The following NR6A1 variants were observed in gnomAD, a reference collection of about 807,000 sequenced individuals.
NR6A1 encodes retinoic acid receptor-related testis-associated receptor.
In NR6A1, 7 loss-of-function variants were observed where a neutral mutation model predicts 59.1. The ratio of observed to expected loss-of-function variants is 0.12; its 90% CI spans 0.07 to 0.22. The LOEUF is 0.22. Among genes scored for constraint, NR6A1 ranks in the 10% least tolerant of loss-of-function variants. The pLI is 1.00. For synonymous variants in NR6A1, 243 were observed against 236.1 expected (o/e 1.03, Z -0.27); for missense variants, 468 against 611.6 (o/e 0.77, Z 2.48).
chr9:124,554,210 T>C, intron 3 of NR6A1, 118 bp downstream of exon 3: 2 of 1,494,184 alleles, frequency 1.3e-6, no homozygotes, highest in Non-Finnish European at 9.1e-7. Context: ...TGGTTATGAG[T>C]ACAAACTATA....
intron 1 of NR6A1, among the ~76,000 whole-genome samples, chr9:124,734,709 A>C (rs1468299031): frequency 2.0e-5 from 3 of 152,168 alleles, no homozygotes; most frequent in Non-Finnish European, 4.4e-5. Flanking sequence ...TAAAACAAAA[A>C]AAAGAAGCAA....
intron 2 of NR6A1, among the ~76,000 whole-genome samples, chr9:124,667,342 C>T (rs551121376): frequency 1.7e-4 from 26 of 152,066 alleles, no homozygotes; most frequent in Non-Finnish European, 3.1e-4. Flanking sequence ...GCTTATCCAC[C>T]CTACTTTCAT....
chr9:124,690,464 G>A (rs1838500694), intron 2 of NR6A1, among the ~76,000 whole-genome samples: 1 of 152,140 alleles, frequency 6.6e-6, no homozygotes, highest in South Asian at 2.1e-4. Flanking sequence ...GAATGGCATG[G>A]TGAGTTCTAA....
chr9:124,658,698 A>C (rs1837333036), intron 2 of NR6A1: 1 of 152,172 alleles, frequency 6.6e-6, no homozygotes, highest in African/African-American at 2.4e-5. Flanking sequence ...CAACTGTAAA[A>C]AGTCTTACGT....
Position 124,519,081 on chromosome 9 carries a change from T to G in NR6A1, c.*3624A>C, listed in dbSNP as rs1203867145. 1.3e-5 allele frequency: 2 copies of G among 152,192 alleles called. No individual in the cohort carries two copies. The highest frequency in any genetic ancestry group is 2.9e-5 in the Non-Finnish European group (2 of 68,056). 9.4% of individuals were successfully genotyped at this position (152,192 alleles called of 1,614,324 possible). Reference sequence around the variant, plus strand: ...ATGTAGGAAATGGGTAACAGAGCAATGCACCTAGCTCAGAGCCCAGGATTT... The same window carrying G: ...ATGTAGGAAATGGGTAACAGAGCAAGGCACCTAGCTCAGAGCCCAGGATTT... On this transcript the variant is annotated 3_prime_UTR_variant, in exon 10 of 10. Coordinates refer to ENST00000487099, the MANE Select transcript of NR6A1 (RefSeq NM_033334.4).
intron 7 of NR6A1, 33 bp downstream of exon 7, chr9:124,535,845 T>C (rs763133316): frequency 3.7e-6 from 6 of 1,611,084 alleles, no homozygotes; most frequent in Admixed American, 3.3e-5. Flanking sequence ...TGTTTGGTTG[T>C]TTGGTATTTC....
intron 2 of NR6A1, among the ~76,000 whole-genome samples, chr9:124,718,164 C>T (rs935549715): frequency 2.0e-5 from 3 of 152,216 alleles, no homozygotes; most frequent in Non-Finnish European, 4.4e-5. Flanking sequence ...AACTTTCACT[C>T]ATGTTTTTTC....
chr9:124,610,321 A>C (rs1835702370), intron 2 of NR6A1, among the ~76,000 whole-genome samples: 1 of 152,138 alleles, frequency 6.6e-6, no homozygotes, highest in Admixed American at 6.5e-5. Context: ...GGGATGTTGA[A>C]TTTTATAGAA....
chr9:124,619,680 C>T (rs1836005609), intron 2 of NR6A1, among the ~76,000 whole-genome samples: 1 of 152,190 alleles, frequency 6.6e-6, no homozygotes, highest in Non-Finnish European at 1.5e-5. Flanking sequence ...TGACTTTACA[C>T]TTCATCCTCA....
chr9:124,547,531 T>G (rs1027198055), intron 3 of NR6A1, among the ~76,000 whole-genome samples: 6 of 152,154 alleles, frequency 3.9e-5, no homozygotes, highest in Non-Finnish European at 7.3e-5. Context: ...AAACTTAAAG[T>G]GGAAAAATCT....
chr9:124,548,054 A>G (rs1278861642), intron 3 of NR6A1, among the ~76,000 whole-genome samples: 1 of 149,206 alleles, frequency 6.7e-6, no homozygotes, highest in East Asian at 2.1e-4. Context: ...TCAAATGGCT[A>G]AGAAGGTGCG....
At chr9:124,640,698 C>T (rs1316248546) in intron 2 of NR6A1, among the ~76,000 whole-genome samples, 1 of 151,936 alleles carries the variant, frequency 6.6e-6, no homozygotes, top group Non-Finnish European at 1.5e-5. Flanking sequence ...GTTTACCACC[C>T]CCAGTCCAAT....
chr9:124,700,423 G>A (rs1838905489), intron 2 of NR6A1, among the ~76,000 whole-genome samples: 1 of 151,780 alleles, frequency 6.6e-6, no homozygotes, highest in African/African-American at 2.4e-5. Flanking sequence ...GTTTCACCAT[G>A]TTGGCAAGGC....
At chr9:124,752,013 A>G (rs1465359409) in intron 1 of NR6A1, among the ~76,000 whole-genome samples, 2 of 152,222 alleles carry the variant, frequency 1.3e-5, no homozygotes, top group African/African-American at 4.8e-5. Flanking sequence ...GCTCACGCCT[A>G]TAATCCCAAC....
intron 2 of NR6A1, among the ~76,000 whole-genome samples, chr9:124,688,596 A>AGAGT (rs1191719057): frequency 3.3e-5 from 5 of 152,338 alleles, no homozygotes; most frequent in Non-Finnish European, 7.4e-5. Flanking sequence ...GGTGATGGCA[A>AGAGT]GAGTATTCAC....
intron 2 of NR6A1, among the ~76,000 whole-genome samples, chr9:124,718,853 T>C (rs1839480534): frequency 7.6e-6 from 1 of 131,042 alleles, no homozygotes; most frequent in Admixed American, 9.3e-5. Context: ...CTCGTTCTGC[T>C]GCCCAGGCTG....
At position 124,522,720 on chromosome 9, in the gene NR6A1, A is replaced by T; in HGVS notation, c.1428T>A (p.Ser476Arg). Reference sequence around the variant, plus strand: ...CTGGAACAGGTCATTCCTTGCCCACACTGGTCTTGCAGGAATGCAGCACCA... The same window carrying T: ...CTGGAACAGGTCATTCCTTGCCCACTCTGGTCTTGCAGGAATGCAGCACCA... ...FKVVLHSCKT[S>R]VGKE Residue 476 changes from serine (S) to arginine (R), a missense_variant, in exon 10 of 10, where the codon AGT becomes AGA. Physicochemically the swap from Ser to Arg is moderately radical, Grantham distance 110 (BLOSUM62 -1). This residue lies in a region of NR6A1 where 176 missense variants were observed against 264.0 expected (regional missense o/e 0.67). Transcript: ENST00000487099. 1 of 1,583,372 alleles carries T rather than the reference A, an allele frequency of 6.3e-7. No individual in the cohort carries two copies. Among genetic ancestry groups the T allele is most frequent in the Non-Finnish European group, 8.6e-7 (1 of 1,164,886 alleles).
intron 2 of NR6A1, among the ~76,000 whole-genome samples, chr9:124,718,425 T>C (rs1839465248): frequency 6.6e-6 from 1 of 152,232 alleles, no homozygotes; most frequent in Non-Finnish European, 1.5e-5. Flanking sequence ...AGATGGTTCC[T>C]GCTACTTGAG....
At chr9:124,639,269 A>T (rs1179568677) in intron 2 of NR6A1, among the ~76,000 whole-genome samples, 2 of 152,212 alleles carry the variant, frequency 1.3e-5, no homozygotes, top group Non-Finnish European at 2.9e-5. Context: ...TTAAAAATGC[A>T]GGGGTGTGTA....
Sources: gnomAD v4.1 joint callset for allele counts (sites outside exome capture counted in the v4.1 genomes callset) on GRCh38, gnomAD v4.1.1 for gene constraint, gnomAD v4.1.1 regional missense constraint, MANE v1.5 for transcripts, NCBI Gene and HGNC (gene_info 2026-07-23, HGNC 2026-07-21) for gene names.